The following ALDH3A2 variants were observed in gnomAD, a reference collection of about 807,000 sequenced individuals.
ALDH3A2 encodes the protein aldehyde dehydrogenase family 3 member A2.
In ALDH3A2, 36 loss-of-function variants were observed where a neutral mutation model predicts 51.3. The ratio of observed to expected loss-of-function variants is 0.70; its 90% CI spans 0.54 to 0.93. ALDH3A2 has a LOEUF of 0.93. ALDH3A2 is among the 40% of genes least tolerant of loss of function. The pLI is 0.00. For synonymous variants in ALDH3A2, 199 were observed against 219.8 expected (o/e 0.91, Z 0.84); for missense variants, 552 against 603.1 (o/e 0.92, Z 0.89).
intron 5 of ALDH3A2, among the ~76,000 whole-genome samples, 196 bp downstream of exon 5, chr17:19,658,058 G>A (rs1176899976): frequency 6.6e-6 from 1 of 152,262 alleles, no homozygotes; most frequent in Non-Finnish European, 1.5e-5. Flanking sequence ...TTGCATTGGT[G>A]TTAAATCTAC....
At chr17:19,660,657 G>C (rs374937300) in intron 5 of ALDH3A2, among the ~76,000 whole-genome samples, 36 of 152,340 alleles carry the variant, frequency 2.4e-4, no homozygotes, top group African/African-American at 8.4e-4. Flanking sequence ...AGCAAAGATT[G>C]GCAAATGGTT....
Position 19,663,369 on chromosome 17 carries a change from A to G in ALDH3A2, c.977A>G (p.Lys326Arg). ...CTTACCGATGTTGATCCTAAAACCA[A>G]GGTGATGCAAGAAGAAATTTTTGGA... ...TVLTDVDPKT[K>R]VMQEEIFGPI... The change falls in exon 7 of 10, where the codon AAG (lysine) becomes AGG (arginine). Residue 326 changes from lysine (K) to arginine (R), a missense_variant. Physicochemically the swap from Lys to Arg is conservative, Grantham distance 26. Coordinates refer to ENST00000176643, the MANE Select transcript of ALDH3A2 (RefSeq NM_000382.3). 1 of 1,614,172 alleles carries G rather than the reference A, an allele frequency of 6.2e-7. No homozygotes were observed. The highest frequency in any genetic ancestry group is 8.5e-7 in the Non-Finnish European group (1 of 1,180,024).
intron 4 of ALDH3A2, among the ~76,000 whole-genome samples, 162 bp downstream of exon 4, chr17:19,656,736 C>G (rs976477811): frequency 6.6e-6 from 1 of 152,178 alleles, no homozygotes; most frequent in Non-Finnish European, 1.5e-5. Flanking sequence ...CTTTCACTGT[C>G]TCTTGGCGCC....
intron 5 of ALDH3A2, among the ~76,000 whole-genome samples, chr17:19,659,894 G>T (rs1414166913): frequency 1.3e-5 from 2 of 151,608 alleles, no homozygotes; most frequent in African/African-American, 4.9e-5. Context: ...CAGGACAATA[G>T]TTCACTATGT....
chr17:19,650,531 G>A (rs1198015316), intron 1 of ALDH3A2, among the ~76,000 whole-genome samples: 2 of 151,932 alleles, frequency 1.3e-5, no homozygotes, highest in African/African-American at 4.8e-5. Flanking sequence ...TTGGCTCACT[G>A]CAAGCTCCAC....
chr17:19,671,702 T>C lies in ALDH3A2; in HGVS notation c.1208-19T>C. 1.9e-6 allele frequency: 3 copies of C among 1,602,960 alleles called. No homozygotes were observed. Among genetic ancestry groups the C allele is most frequent in the Non-Finnish European group, 2.6e-6 (3 of 1,169,804 alleles). The stretch of plus-strand genomic sequence containing the variant: ...ATCATCTACAGTGAAGCTTGTTTTG[T>C]CTGTTCCCTTTATTTCAGGTTCCAG... On this transcript the variant is annotated intron_variant, in intron 8 of 9. Transcript: ENST00000176643.
At chr17:19,652,502 A>C (rs2084829517) in intron 2 of ALDH3A2, 45 bp from the exon 3 acceptor site, 2 of 1,457,190 alleles carry the variant, frequency 1.4e-6, no homozygotes, top group Non-Finnish European at 1.9e-6. Context: ...GTAGCTATTA[A>C]AGTTAAATAT....
At chr17:19,666,817 A>AT (rs1567605119) in intron 8 of ALDH3A2, among the ~76,000 whole-genome samples, 2 of 150,390 alleles carry the variant, frequency 1.3e-5, no homozygotes, top group African/African-American at 2.4e-5. Context: ...AAATAAATAA[A>AT]AATAATAAAA....
intron 8 of ALDH3A2, among the ~76,000 whole-genome samples, chr17:19,665,376 C>T (rs1460745554): frequency 2.1e-5 from 3 of 144,920 alleles, no homozygotes; most frequent in African/African-American, 2.5e-5. Flanking sequence ...GATCTCTCTT[C>T]GTGTGTGTGT....
chr17:19,649,642 G>A (rs1259626943), intron 1 of ALDH3A2: 3 of 152,714 alleles, frequency 2.0e-5, no homozygotes, highest in African/African-American at 7.2e-5. Context: ...GTTAGACAGA[G>A]TTTTGTTTTT....
Position 19,656,579 on chromosome 17 carries a change from G to A in ALDH3A2, c.680+5G>A. Reference sequence around the variant, plus strand: ...TGACCTGGACATTGTTTGCAGGTGAGTCTGGCTCTCTGATTTTCTGAGGTT... The same window carrying A: ...TGACCTGGACATTGTTTGCAGGTGAATCTGGCTCTCTGATTTTCTGAGGTT... On this transcript the variant is annotated splice_donor_5th_base_variant and intron_variant, in intron 4 of 9. Transcript: ENST00000176643. The A allele has an allele frequency of 1.2e-6, 2 of 1,606,882 alleles. No homozygotes were observed. The highest frequency in any genetic ancestry group is 1.7e-6 in the Non-Finnish European group (2 of 1,175,924).
chr17:19,652,975 C>T (rs1054621441), intron 3 of ALDH3A2, among the ~76,000 whole-genome samples: 6 of 151,704 alleles, frequency 4.0e-5, no homozygotes, highest in African/African-American at 1.5e-4. Context: ...GTGCTGGGTG[C>T]TGACATATTT....
intron 3 of ALDH3A2, among the ~76,000 whole-genome samples, chr17:19,655,987 A>AT (rs1274990975): frequency 6.6e-6 from 1 of 152,266 alleles, no homozygotes; most frequent in Non-Finnish European, 1.5e-5. Flanking sequence ...GACAGAGAAC[A>AT]TTCAGACTAA....
chr17:19,664,412 C>T (rs1036766894), intron 7 of ALDH3A2, among the ~76,000 whole-genome samples: 36 of 152,202 alleles, frequency 2.4e-4, no homozygotes, highest in African/African-American at 8.2e-4. Flanking sequence ...GGGTAAATGA[C>T]GTTTACTAGT....
At chr17:19,664,437 C>CT (rs2085008413) in intron 7 of ALDH3A2, among the ~76,000 whole-genome samples, 1 of 152,274 alleles carries the variant, frequency 6.6e-6, no homozygotes, top group South Asian at 2.1e-4. Flanking sequence ...TGTTCTTGTG[C>CT]TTTTCTGAGC....
At position 19,662,713 on chromosome 17, in the gene ALDH3A2, C is replaced by A. The variant is rs541037000; in HGVS notation, c.941-620C>A. ...GAGTTATAATAAAGGTTAATGAGAT[C>A]ATATATATGAAAGCACTCGAGTTAA... On this transcript the variant is annotated intron_variant, in intron 6 of 9. Coordinates refer to ENST00000176643, the MANE Select transcript of ALDH3A2 (RefSeq NM_000382.3). Among the ~76,000 whole-genome samples, 4 of 152,212 alleles carry A rather than the reference C, an allele frequency of 2.6e-5. No homozygotes were observed. In the East Asian group the frequency reaches 7.7e-4, roughly 29 times the overall value.
chr17:19,667,000 T>C (rs2085047426), intron 8 of ALDH3A2, among the ~76,000 whole-genome samples: 1 of 151,830 alleles, frequency 6.6e-6, no homozygotes, highest in African/African-American at 2.4e-5. Flanking sequence ...GACCCCCAAA[T>C]GTAAAAAGAA....
intron 9 of ALDH3A2, chr17:19,675,054 A>T (rs1367638263): frequency 6.4e-6 from 1 of 156,682 alleles, no homozygotes; most frequent in African/African-American, 2.4e-5. Context: ...TAAGAGGTTA[A>T]TGTTGATAAA....
intron 6 of ALDH3A2, 98 bp downstream of exon 6, chr17:19,661,366 TTTAATTGTTAAAGTA>T: frequency 7.1e-7 from 1 of 1,399,872 alleles, no homozygotes; most frequent in Non-Finnish European, 1.0e-6. Flanking sequence ...ATATATAGCA[TTTAATTGTTAAAGTA>T]CTAAATCCTG....
Sources: allele counts gnomAD v4.1 joint callset (sites outside exome capture counted in the v4.1 genomes callset), GRCh38; gene constraint gnomAD v4.1.1; transcripts MANE v1.5; gene names NCBI Gene and HGNC (gene_info 2026-07-23, HGNC 2026-07-21).